NRXN1: variants seen among roughly 807,000 people sequenced by gnomAD.
NRXN1 encodes neurexin-1.
NRXN1 carries 39 observed loss-of-function variants against 150.9 expected under a neutral mutation model. The ratio of observed to expected loss-of-function variants is 0.26; its 90% CI spans 0.20 to 0.34. The LOEUF (loss-of-function observed/expected upper bound fraction) is 0.34. Ranked by LOEUF, NRXN1 falls within the 10% of genes least tolerant of loss-of-function variation. The pLI, the probability that NRXN1 is intolerant of heterozygous loss-of-function variation, is 1.00. For synonymous variants in NRXN1, 924 were observed against 757.0 expected (o/e 1.22, Z -3.62); for missense variants, 1,815 against 1,949.9 (o/e 0.93, Z 1.30).
intron 17 of NRXN1, among the ~76,000 whole-genome samples, chr2:50,446,031 A>G (rs950022405): frequency 1.3e-5 from 2 of 152,144 alleles, no homozygotes; most frequent in African/African-American, 4.8e-5. Context: ...AAAGCCTAAG[A>G]TATTTATACT....
chr2:50,614,560 ACACC>A (rs1175334168), intron 8 of NRXN1, among the ~76,000 whole-genome samples: 1 of 151,378 alleles, frequency 6.6e-6, no homozygotes, highest in East Asian at 1.9e-4. Flanking sequence ...TGGGTGCAGC[ACACC>A]AACATGACAC....
At chr2:50,122,326 C>G (rs1273058269) in intron 18 of NRXN1, among the ~76,000 whole-genome samples, 2 of 152,192 alleles carry the variant, frequency 1.3e-5, no homozygotes, top group Non-Finnish European at 2.9e-5. Context: ...CTCTTGAAAG[C>G]AAAGGCTAAT....
At chr2:50,437,806 T>C (rs1314359663) in intron 17 of NRXN1, among the ~76,000 whole-genome samples, 3 of 152,120 alleles carry the variant, frequency 2.0e-5, no homozygotes, top group Non-Finnish European at 4.4e-5. Context: ...CAAGAATCCA[T>C]GGATAATGTC....
intron 5 of NRXN1, among the ~76,000 whole-genome samples, chr2:50,904,351 A>G (rs1683365611): frequency 6.6e-6 from 1 of 152,148 alleles, no homozygotes; most frequent in Non-Finnish European, 1.5e-5. Flanking sequence ...TAGGTCTTGA[A>G]ATTTAGAAAA....
chr2:50,131,984 G>A (rs942213858), intron 18 of NRXN1, among the ~76,000 whole-genome samples: 13 of 152,184 alleles, frequency 8.5e-5, no homozygotes, highest in Admixed American at 3.9e-4. Context: ...GCGTGTGTAT[G>A]TGTGTGTGAG....
At chr2:50,897,958 A>C (rs980365193) in intron 5 of NRXN1, among the ~76,000 whole-genome samples, 1 of 152,222 alleles carries the variant, frequency 6.6e-6, no homozygotes, top group African/African-American at 2.4e-5. Context: ...ATTGATCAGA[A>C]TGGATTGAAT....
chr2:50,831,122 T>C (rs1251835686), intron 5 of NRXN1, among the ~76,000 whole-genome samples: 1 of 152,214 alleles, frequency 6.6e-6, no homozygotes, highest in East Asian at 1.9e-4. Context: ...AAGTTATTTA[T>C]AAATGTACAA....
At chr2:51,011,700 A>G (rs1037621795) in intron 2 of NRXN1, among the ~76,000 whole-genome samples, 1 of 151,996 alleles carries the variant, frequency 6.6e-6, no homozygotes, top group Admixed American at 6.6e-5. Context: ...ATGGTAAGAA[A>G]TGAGTCTGGA....
chr2:50,653,373 G>A (rs2104575046), intron 5 of NRXN1, among the ~76,000 whole-genome samples: 1 of 152,098 alleles, frequency 6.6e-6, no homozygotes, highest in South Asian at 2.1e-4. Context: ...GCCTTATATA[G>A]TCGTATTTGG....
intron 18 of NRXN1, among the ~76,000 whole-genome samples, chr2:50,103,257 G>A (rs1405141584): frequency 6.6e-6 from 1 of 151,978 alleles, no homozygotes; most frequent in African/African-American, 2.4e-5. Context: ...TAGTTTCTTT[G>A]TGTGGTGGAA....
intron 18 of NRXN1, among the ~76,000 whole-genome samples, chr2:50,198,705 A>T (rs762231951): frequency 6.6e-6 from 1 of 152,124 alleles, no homozygotes; most frequent in Non-Finnish European, 1.5e-5. Context: ...AAGTGCAGGG[A>T]TCCTAAAACC....
intron 8 of NRXN1, among the ~76,000 whole-genome samples, chr2:50,614,211 A>C (rs1380673203): frequency 6.6e-6 from 1 of 152,106 alleles, no homozygotes; most frequent in Non-Finnish European, 1.5e-5. Flanking sequence ...AGGAAATGAA[A>C]ACCTGGGGAT....
At chr2:50,762,380 T>C (rs2105392025) in intron 5 of NRXN1, among the ~76,000 whole-genome samples, 1 of 151,942 alleles carries the variant, frequency 6.6e-6, no homozygotes, top group South Asian at 2.1e-4. Context: ...ATGTAAAGGT[T>C]TGTTACTTGG....
rs1169865675 is a variant in NRXN1 at position 50,215,013 on chromosome 2, A to G, written c.3546+21776T>C. Reference sequence around the variant, plus strand: ...CCACATTATTACCTGAATTGTACATATCACAGAAATGAGACAGATGGCGGC... The same window carrying G: ...CCACATTATTACCTGAATTGTACATGTCACAGAAATGAGACAGATGGCGGC... On this transcript the variant is annotated intron_variant, in intron 18 of 22. Transcript: ENST00000401669. Among the ~76,000 whole-genome samples the G allele has an allele frequency of 2.0e-5, 3 of 152,060 alleles. No individual in the cohort carries two copies. The South Asian group carries it at 6.2e-4, about 31-fold the overall frequency.
At chr2:50,155,114 T>A (rs1163989390) in intron 18 of NRXN1, among the ~76,000 whole-genome samples, 1 of 151,698 alleles carries the variant, frequency 6.6e-6, no homozygotes, top group Non-Finnish European at 1.5e-5. Flanking sequence ...GAGGTAATTT[T>A]TACTGCCCCA....
At chr2:50,660,045 A>AG (rs994663623) in intron 5 of NRXN1, among the ~76,000 whole-genome samples, 1 of 152,002 alleles carries the variant, frequency 6.6e-6, no homozygotes, top group African/African-American at 2.4e-5. Context: ...CTTGGTGTTC[A>AG]GGGGGCACTA....
In NRXN1 at chr2:50,472,360, C is replaced by T. The variant is rs1235865191; in HGVS notation, c.3182G>A (p.Arg1061Gln). 2.5e-6 allele frequency: 4 copies of T among 1,611,912 alleles called. No individual in the cohort carries two copies. The highest frequency in any genetic ancestry group is 3.4e-6 in the Non-Finnish European group (4 of 1,178,710). ...GCLASVDLNG[R>Q]LPDLISDALF... ...AGCATCGGAGATGAGGTCCGGAAGC[C>T]GTCCATTTAAATCAACTGATGCCAG... Residue 1061 changes from arginine to glutamine, a missense_variant, in exon 16 of 23, where the codon CGG becomes CAG. Transcript: ENST00000401669.
chr2:50,765,411 C>A (rs1574400895), intron 5 of NRXN1, among the ~76,000 whole-genome samples: 1 of 152,012 alleles, frequency 6.6e-6, no homozygotes, highest in Non-Finnish European at 1.5e-5. Flanking sequence ...GAAAAAAGAT[C>A]ACCACCTACG....
intron 21 of NRXN1, among the ~76,000 whole-genome samples, chr2:49,947,765 A>T (rs781623298): frequency 5.3e-5 from 8 of 152,002 alleles, no homozygotes; most frequent in Non-Finnish European, 8.8e-5. Flanking sequence ...AAACATTTAA[A>T]AACAGTTCTG....
Sources: gnomAD v4.1 joint callset for allele counts (sites outside exome capture counted in the v4.1 genomes callset) on GRCh38, gnomAD v4.1.1 for gene constraint, MANE v1.5 for transcripts, NCBI Gene and HGNC (gene_info 2026-07-23, HGNC 2026-07-21) for gene names.